Variants in CASD1 observed in about 807,000 individuals in gnomAD.
The protein encoded by CASD1 is CAS1 domain sialic acid O acetyltransferase 1, also known as N-acetylneuraminate (7)9-O-acetyltransferase.
A neutral mutation model predicts 100.0 loss-of-function variants in CASD1; 41 were observed. The observed-to-expected ratio is 0.41, with a 90% CI of 0.32 to 0.53. The LOEUF (loss-of-function observed/expected upper bound fraction) is 0.53, where lower values mean the gene tolerates loss of function less well. Among genes scored for constraint, CASD1 ranks in the 20% least tolerant of loss-of-function variants. The pLI, the probability that CASD1 is intolerant of heterozygous loss-of-function variation, is 0.25. For synonymous variants in CASD1, 321 were observed against 315.6 expected, an observed-to-expected ratio of 1.02 and a Z score of -0.18; for missense variants, 774 against 948.7, an observed-to-expected ratio of 0.82 and a Z score of 2.42.
the CASD1 span, among the ~76,000 whole-genome samples, chr7:94,574,978 C>G: frequency 3.3e-5 from 5 of 151,986 alleles, no homozygotes. Context: ...TCAAAACAAA[C>G]AAACAAACAA....
the CASD1 span, among the ~76,000 whole-genome samples, chr7:94,603,614 CTTCCTTTCATTCA>C: frequency 6.6e-6 from 1 of 152,078 alleles, no homozygotes; most frequent in Non-Finnish European, 1.5e-5. Flanking sequence ...CATGTAGGGG[CTTCCTTTCATTCA>C]TTCCTTTATT....
intron 3 of CASD1, among the ~76,000 whole-genome samples, chr7:94,522,033 G>A (rs745516705): frequency 3.4e-4 from 52 of 152,138 alleles, no homozygotes; most frequent in Non-Finnish European, 5.3e-4. Context: ...GCAGTGAGCC[G>A]AAATTGCGCC....
chr7:94,536,130 C>A (rs1416106191), intron 8 of CASD1, among the ~76,000 whole-genome samples: 1 of 152,074 alleles, frequency 6.6e-6, no homozygotes, highest in Non-Finnish European at 1.5e-5. Context: ...GTAATCCCAG[C>A]TACTCGGGAG....
At chr7:94,618,880 A>G in the CASD1 span, 1 of 1,614,060 alleles carries the variant, frequency 6.2e-7, no homozygotes, top group East Asian at 2.2e-5. Flanking sequence ...GAAAGTCTCC[A>G]AGAACCTCAC....
At chr7:94,594,137 C>A in the CASD1 span, among the ~76,000 whole-genome samples, 2 of 151,970 alleles carry the variant, frequency 1.3e-5, no homozygotes, top group Non-Finnish European at 2.9e-5. Context: ...TTAGAAAGGG[C>A]AATCATTGAG....
chr7:94,598,807 ATC>A, the CASD1 span: 1 of 1,613,490 alleles, frequency 6.2e-7, no homozygotes, highest in Admixed American at 1.7e-5. Flanking sequence ...TGTTTGTGCT[ATC>A]ATAGTTGTCT....
At chr7:94,629,889 T>C in the CASD1 span, 81 of 1,595,336 alleles carry the variant, frequency 5.1e-5, no homozygotes, top group African/African-American at 1.0e-3. Flanking sequence ...AATAATGAGA[T>C]ACGCCCTTGA....
At chr7:94,521,021 G>A (rs1273998545) in intron 3 of CASD1, among the ~76,000 whole-genome samples, 1 of 152,130 alleles carries the variant, frequency 6.6e-6, no homozygotes, top group Non-Finnish European at 1.5e-5. Context: ...GAACCCAGGA[G>A]GTGGAGGTTG....
At chr7:94,524,781 T>C (rs1794472128) in intron 3 of CASD1, among the ~76,000 whole-genome samples, 1 of 152,216 alleles carries the variant, frequency 6.6e-6, no homozygotes, top group Non-Finnish European at 1.5e-5. Flanking sequence ...ATAAAAATAG[T>C]ATTGATAAAC....
chr7:94,623,196 A>G, the CASD1 span: 1 of 592,180 alleles, frequency 1.7e-6, no homozygotes, highest in South Asian at 2.6e-5. Flanking sequence ...TCTTTTCTAT[A>G]TCTTATTATT....
At chr7:94,512,152 T>C (rs1332485428) in intron 1 of CASD1, among the ~76,000 whole-genome samples, 4 of 152,214 alleles carry the variant, frequency 2.6e-5, no homozygotes, top group Non-Finnish European at 5.9e-5. Context: ...TATAACTCTT[T>C]AGGACAGAGG....
At chr7:94,622,490 G>A in the CASD1 span, 2 of 152,134 alleles carry the variant, frequency 1.3e-5, no homozygotes, top group African/African-American at 4.8e-5. Context: ...TTAGCCGGGT[G>A]TGGTGGCAGG....
chr7:94,532,610 A>G (rs1427455043), intron 5 of CASD1, among the ~76,000 whole-genome samples: 1 of 152,192 alleles, frequency 6.6e-6, no homozygotes, highest in Non-Finnish European at 1.5e-5. Context: ...TCAATTGACT[A>G]TGGGTAACTG....
intron 13 of CASD1, among the ~76,000 whole-genome samples, chr7:94,547,603 A>G (rs1436118272): frequency 6.6e-6 from 1 of 151,926 alleles, no homozygotes; most frequent in African/African-American, 2.4e-5. Flanking sequence ...ACTTAGGAGC[A>G]AAGGGGTTTG....
chr7:94,558,828 C>T (rs993507081), downstream of CASD1, among the ~76,000 whole-genome samples: 5 of 152,020 alleles, frequency 3.3e-5, no homozygotes, highest in African/African-American at 1.2e-4. Flanking sequence ...GAGGCAGGGT[C>T]TTACTCTGTC....
At chr7:94,585,034 G>C in the CASD1 span, 1 of 156,524 alleles carries the variant, frequency 6.4e-6, no homozygotes, top group Non-Finnish European at 1.4e-5. Flanking sequence ...GGATTTACAG[G>C]CCACAAGAGT....
At position 94,538,994 on chromosome 7, in the gene CASD1, G is replaced by A. The variant is rs765138311; in HGVS notation, c.1294G>A (p.Asp432Asn). ...TAAAGTATTAAATAGAGAACAAACA[G>A]ACGAATGGAAAGGCTGGATGCAACT... is the stretch of plus-strand genomic sequence containing the variant. ...ETKVLNREQT[D>N]EWKGWMQLVI... The change falls in exon 10 of 18, where the codon GAC (aspartate) becomes AAC (asparagine). Residue 432 changes from aspartate to asparagine, a missense_variant. Physicochemically the swap from Asp to Asn is conservative, Grantham distance 23 (BLOSUM62 1). Transcript: ENST00000297273. 3.3e-5 allele frequency: 53 copies of A among 1,608,116 alleles called. No individual in the cohort carries two copies. Among genetic ancestry groups the A allele is most frequent in the Non-Finnish European group, 4.4e-5 (52 of 1,175,478 alleles).
At chr7:94,630,653 T>C in the CASD1 span, among the ~76,000 whole-genome samples, 1 of 151,974 alleles carries the variant, frequency 6.6e-6, no homozygotes, top group African/African-American at 2.4e-5. Flanking sequence ...GTTTTTGCTC[T>C]GATAGCATCT....
the CASD1 span, among the ~76,000 whole-genome samples, chr7:94,610,954 C>A: frequency 1.3e-5 from 2 of 152,136 alleles, no homozygotes; most frequent in Non-Finnish European, 2.9e-5. Context: ...TGAGATACCA[C>A]TTCACTTTCA....
Sources: allele counts gnomAD v4.1 joint callset (sites outside exome capture counted in the v4.1 genomes callset), GRCh38; gene constraint gnomAD v4.1.1; transcripts MANE v1.5; gene names NCBI Gene and HGNC (gene_info 2026-07-23, HGNC 2026-07-21).